ECHDC3: variants seen among roughly 807,000 people sequenced by gnomAD.
ECHDC3 encodes the protein enoyl-CoA hydratase domain containing 3, also known as enoyl-CoA hydratase domain-containing protein 3, mitochondrial.
ECHDC3 carries 20 observed loss-of-function variants against 17.9 expected under a neutral mutation model. That is an observed-to-expected ratio of 1.12 (90% CI 0.79 to 1.63). The LOEUF (loss-of-function observed/expected upper bound fraction) is 1.63. ECHDC3 is among the 40% of genes most tolerant of loss of function. ECHDC3 has a pLI of 0.00. For synonymous variants in ECHDC3, 177 were observed against 149.7 expected, an observed-to-expected ratio of 1.18 and a Z score of -1.33; for missense variants, 407 against 357.7, an observed-to-expected ratio of 1.14 and a Z score of -1.11.
intron 3 of ECHDC3, among the ~76,000 whole-genome samples, chr10:11,751,300 T>C (rs1832820275): frequency 6.6e-6 from 1 of 152,192 alleles, no homozygotes; most frequent in African/African-American, 2.4e-5. Context: ...CCCAGATTTC[T>C]TGGAAGCCCC....
chr10:11,751,876 A>G (rs564240817), intron 3 of ECHDC3, among the ~76,000 whole-genome samples: 2 of 152,276 alleles, frequency 1.3e-5, no homozygotes, highest in African/African-American at 4.8e-5. Flanking sequence ...ATGGGACAAG[A>G]TTTCTTGCTT....
At chr10:11,744,914 G>A (rs1387677140) in intron 1 of ECHDC3, among the ~76,000 whole-genome samples, 1 of 152,220 alleles carries the variant, frequency 6.6e-6, no homozygotes, top group East Asian at 1.9e-4. Flanking sequence ...GGCAGCTGTT[G>A]ACATCAAAGT....
At chr10:11,760,808 C>T (rs940564779) in intron 4 of ECHDC3, among the ~76,000 whole-genome samples, 1 of 152,210 alleles carries the variant, frequency 6.6e-6, no homozygotes, top group African/African-American at 2.4e-5. Context: ...TGCTAGGTGT[C>T]TTCAGCAGGG....
intron 1 of ECHDC3, among the ~76,000 whole-genome samples, chr10:11,744,146 T>C (rs1408220809): frequency 6.6e-6 from 1 of 152,134 alleles, no homozygotes; most frequent in East Asian, 1.9e-4. Flanking sequence ...CCCTAATTCT[T>C]AACAGTGGCC....
At chr10:11,745,684 G>A (rs1368525647) in intron 1 of ECHDC3, among the ~76,000 whole-genome samples, 2 of 152,154 alleles carry the variant, frequency 1.3e-5, no homozygotes, top group South Asian at 2.1e-4. Context: ...ACCGCGGAAG[G>A]AATATCAGAT....
At chr10:11,751,841 C>G (rs976239824) in intron 3 of ECHDC3, among the ~76,000 whole-genome samples, 10 of 152,272 alleles carry the variant, frequency 6.6e-5, no homozygotes, top group East Asian at 1.9e-4. Flanking sequence ...GCACTTTGCT[C>G]TCATACCCCG....
intron 4 of ECHDC3, among the ~76,000 whole-genome samples, chr10:11,759,398 G>A (rs1411885667): frequency 2.0e-5 from 3 of 149,234 alleles, no homozygotes; most frequent in Non-Finnish European, 4.4e-5. Flanking sequence ...CAGTCCCAGA[G>A]AGCTGCCTTA....
chr10:11,755,454 T>C lies in ECHDC3; in HGVS notation c.437T>C (p.Val146Ala). The C allele has an allele frequency of 6.2e-7, 1 of 1,613,992 alleles. No homozygotes were observed. Among genetic ancestry groups the C allele is most frequent in the Non-Finnish European group, 8.5e-7 (1 of 1,180,006 alleles). Residue 146 changes from valine (V) to alanine (A), a missense_variant, in exon 4 of 5, where the codon GTC becomes GCC. By Grantham distance (64) the Val-to-Ala change is moderately conservative. Coordinates refer to ENST00000379215, the MANE Select transcript of ECHDC3 (RefSeq NM_024693.5). ...CACCCCGTTCCCGTCATTGCCATGG[T>C]CAATGGCCTGGCCGCGGCTGCCGGC... is the stretch of plus-strand genomic sequence containing the variant. ...RNHPVPVIAM[V>A]NGLAAAAGCQ...
At position 11,763,302 on chromosome 10, in the gene ECHDC3, G is replaced by T; in HGVS notation, c.670G>T (p.Val224Leu). Reference sequence around the variant, plus strand: ...GCTCCACGGGCTGCTTAGCAAGGTGGTGCCAGAGGCGGAGCTGCAGGAGGA... The same window carrying T: ...GCTCCACGGGCTGCTTAGCAAGGTGTTGCCAGAGGCGGAGCTGCAGGAGGA... ...ALLHGLLSKV[V>L]PEAELQEETM... Residue 224 changes from valine to leucine, a missense_variant, in exon 5 of 5, where the codon GTG becomes TTG. Transcript: ENST00000379215. This position sits in a 1 kb window ranked among gnomAD's most constrained non-coding sequence, Gnocchi z 4.9. The T allele has an allele frequency of 1.3e-6, 1 of 780,432 alleles. No homozygotes were observed. The allele number at this position is 780,432 out of a possible 1,614,324, so 48.3% of individuals were successfully genotyped here.
chr10:11,763,863 A>G lies in ECHDC3; in HGVS notation c.*319A>G, dbSNP rs1172971388. The G allele has an allele frequency of 9.2e-7, 1 of 1,086,164 alleles. No homozygotes were observed. The highest frequency in any genetic ancestry group is 4.9e-5 in the Admixed American group (1 of 20,256). The allele number at this position is 1,086,164 out of a possible 1,614,324, so 67.3% of individuals were successfully genotyped here. A position where few individuals can be genotyped will look rare whatever the true frequency, so the allele number is the denominator to read the frequency against. On this transcript the variant is annotated 3_prime_UTR_variant, in exon 5 of 5. Transcript: ENST00000379215. This position sits in a 1 kb window ranked among gnomAD's most constrained non-coding sequence, Gnocchi z 4.9. ...CCGACATAGCAAAAGGTGGCAACCCATGGAGGCAGAAAGAAGGACGCCAGC... is the reference window on the plus strand; with the variant it reads ...CCGACATAGCAAAAGGTGGCAACCCGTGGAGGCAGAAAGAAGGACGCCAGC...
chr10:11,749,556 T>C lies in ECHDC3; in HGVS notation c.354T>C (p.Arg118=), dbSNP rs2133788981. The C allele has an allele frequency of 6.2e-7, 1 of 1,614,124 alleles. No individual in the cohort carries two copies. The highest frequency in any genetic ancestry group is 2.2e-5 in the East Asian group (1 of 44,882). ...AGGAGCTGACAGAGGAGCAAGGCCG[T>C]GATTACCATGCCGAAGTATTTCAGA... ...DLKELTEEQG[R]DYHAEVFQTC... Residue 118 remains arginine, a synonymous_variant, in exon 3 of 5, where the codon CGT becomes CGC. Transcript: ENST00000379215.
At position 11,742,969 on chromosome 10, in the gene ECHDC3, GGTCACTGGGCCTCCA is replaced by G. The variant is rs374741146; in HGVS notation, c.170+227_170+241del. On this transcript the variant is annotated intron_variant, in intron 1 of 4. Transcript: ENST00000379215. Reference sequence around the variant, plus strand: ...CCAAAGCCCTCAGGGCAGCCTGCGGGGTCACTGGGCCTCCAGTCGCTGGGCCTGCGGAGAGGCCTG... The same window carrying G: ...CCAAAGCCCTCAGGGCAGCCTGCGGGGTCGCTGGGCCTGCGGAGAGGCCTG... 2.9e-3 allele frequency: 1,162 copies of G among 404,442 alleles called. 11 individuals are homozygous for G. The highest frequency in any genetic ancestry group is 0.023 in the African/African-American group (1,087 of 47,842). The allele number at this position is 404,442 out of a possible 1,614,324, so 25.1% of individuals were successfully genotyped here.
chr10:11,755,194 C>T (rs192566850), intron 3 of ECHDC3, among the ~76,000 whole-genome samples: 1 of 152,028 alleles, frequency 6.6e-6, no homozygotes, highest in Admixed American at 6.6e-5. Context: ...GGCGTGGTAG[C>T]CCATGCCTGT....
At position 11,755,612 on chromosome 10, in the gene ECHDC3, A is replaced by G. The variant is rs1832878369; in HGVS notation, c.591+4A>G. Reference sequence around the variant, plus strand: ...GGCAAGAGCAGTGCCTAGAAAGGTAATTTAACTCCCCCCACCCACCTCTGC... The same window carrying G: ...GGCAAGAGCAGTGCCTAGAAAGGTAGTTTAACTCCCCCCACCCACCTCTGC... On this transcript the variant is annotated splice_donor_region_variant and intron_variant, in intron 4 of 4. Coordinates refer to ENST00000379215, the MANE Select transcript of ECHDC3 (RefSeq NM_024693.5). The G allele has an allele frequency of 6.2e-7, 1 of 1,609,366 alleles. No homozygotes were observed. Among genetic ancestry groups the G allele is most frequent in the Non-Finnish European group, 8.5e-7 (1 of 1,178,132 alleles).
At chr10:11,760,785 C>T (rs975427605) in intron 4 of ECHDC3, among the ~76,000 whole-genome samples, 24 of 152,320 alleles carry the variant, frequency 1.6e-4, no homozygotes, top group Non-Finnish European at 3.2e-4. Flanking sequence ...TGTCCTGGCC[C>T]CGTGCTGTGA....
At chr10:11,761,812 ACT>A (rs1337451636) in intron 4 of ECHDC3, among the ~76,000 whole-genome samples, 6 of 152,062 alleles carry the variant, frequency 3.9e-5, no homozygotes, top group Non-Finnish European at 7.4e-5. Flanking sequence ...CTTGTGCTGT[ACT>A]CTGTTTTCCT....
chr10:11,749,447 G>C, intron 2 of ECHDC3, 48 bp from the exon 3 acceptor site: 1 of 1,595,248 alleles, frequency 6.3e-7, no homozygotes, highest in South Asian at 1.1e-5. Flanking sequence ...CCCAACTCTG[G>C]GTGTTTACAT....
intron 4 of ECHDC3, among the ~76,000 whole-genome samples, chr10:11,762,425 A>G (rs1460334203): frequency 6.6e-6 from 1 of 152,214 alleles, no homozygotes; most frequent in Non-Finnish European, 1.5e-5. Flanking sequence ...AGCCTGAGTG[A>G]CGGGTGGGGA....
chr10:11,759,741 G>A (rs1182469910), intron 4 of ECHDC3, among the ~76,000 whole-genome samples: 19 of 152,174 alleles, frequency 1.2e-4, no homozygotes, highest in Non-Finnish European at 1.5e-5. Flanking sequence ...CAAGGCTGGG[G>A]TAACCATTTA....
Sources: gnomAD v4.1 joint callset for allele counts (sites outside exome capture counted in the v4.1 genomes callset) on GRCh38, gnomAD v4.1.1 for gene constraint, Gnocchi (gnomAD v3.1) non-coding constraint, MANE v1.5 for transcripts, NCBI Gene and HGNC (gene_info 2026-07-23, HGNC 2026-07-21) for gene names.